MRPS26: variants seen among roughly 807,000 people sequenced by gnomAD.
MRPS26 encodes small ribosomal subunit protein mS26.
In MRPS26, 26 loss-of-function variants were observed where a neutral mutation model predicts 22.7. The ratio of observed to expected loss-of-function variants is 1.15; its 90% CI spans 0.84 to 1.59. The LOEUF (loss-of-function observed/expected upper bound fraction) is 1.59, where lower values mean the gene tolerates loss of function less well. Among genes scored for constraint, MRPS26 ranks in the 40% most tolerant of loss-of-function variants. MRPS26 has a pLI of 0.00. For synonymous variants in MRPS26, 120 were observed against 124.0 expected (o/e 0.97, Z 0.22); for missense variants, 291 against 287.7 (o/e 1.01, Z -0.08).
rs926470964 is a variant in MRPS26, at chr20:3,047,840, G to A, written c.589G>A (p.Val197Met). ...CTGGGCCATCACCAGAGAGGGGCTG[G>A]TGGTCAGGCCACAACGCAGGGACTC... ...YNWAITREGL[V>M]VRPQRRDS Residue 197 changes from valine (V) to methionine (M), a missense_variant, in exon 4 of 4, where the codon GTG (valine) becomes ATG (methionine). By Grantham distance (21) the Val-to-Met change is conservative. Coordinates refer to ENST00000380325, the MANE Select transcript of MRPS26 (RefSeq NM_030811.4). 1.2e-6 allele frequency: 2 copies of A among 1,613,128 alleles called. No homozygotes were observed. Among genetic ancestry groups the A allele is most frequent in the South Asian group, 1.1e-5 (1 of 90,994 alleles).
At position 3,046,129 on chromosome 20, in the gene MRPS26, G is replaced by A; in HGVS notation, c.61G>A (p.Val21Met). The change falls in exon 1 of 4, where the codon GTG (valine) becomes ATG (methionine). Residue 21 changes from valine to methionine, a missense_variant. By Grantham distance (21) the Val-to-Met change is conservative (BLOSUM62 1). Coordinates refer to ENST00000380325, the MANE Select transcript of MRPS26 (RefSeq NM_030811.4). The stretch of plus-strand genomic sequence containing the variant: ...CCCGTGCAGGCCCCGGGCCCCTCTG[G>A]TGCTGCCAGCGCGCGGCCGCAAGAC... ...GTPCRPRAPLVLPARGRKTRH... is the reference protein window; with the variant it reads ...GTPCRPRAPLMLPARGRKTRH... 1 of 1,588,146 alleles carries A rather than the reference G, an allele frequency of 6.3e-7. No homozygotes were observed. The highest frequency in any genetic ancestry group is 8.5e-7 in the Non-Finnish European group (1 of 1,175,268).
chr20:3,047,673 T>C, intron 3 of MRPS26, 62 bp from the exon 4 acceptor site: 2 of 1,602,016 alleles, frequency 1.2e-6, no homozygotes, highest in South Asian at 2.2e-5. Context: ...GCCAGCAGGC[T>C]GGGTGGGCTG....
intron 3 of MRPS26, among the ~76,000 whole-genome samples, chr20:3,046,968 AAG>A (rs2065992274): frequency 6.6e-6 from 1 of 152,206 alleles, no homozygotes. Context: ...GCGTTCCACA[AAG>A]AGGTTGTATT....
intron 3 of MRPS26, among the ~76,000 whole-genome samples, chr20:3,047,316 G>A (rs2065993523): frequency 6.6e-6 from 1 of 152,192 alleles, no homozygotes; most frequent in Non-Finnish European, 1.5e-5. Context: ...TTGAACCCAG[G>A]AGGCAGAGGT....
chr20:3,046,846 G>T, intron 3 of MRPS26, 109 bp downstream of exon 3: 1 of 1,465,482 alleles, frequency 6.8e-7, no homozygotes. Flanking sequence ...GAGACTTACA[G>T]TTGGCAGGTC....
At position 3,046,107 on chromosome 20, in the gene MRPS26, G is replaced by A; in HGVS notation, c.39G>A (p.Pro13=). 1.3e-6 allele frequency: 2 copies of A among 1,561,738 alleles called. No homozygotes were observed. The highest frequency in any genetic ancestry group is 2.4e-5 in the East Asian group (1 of 42,190). ...TGAGCCGCCTGGGCGCGGGGACCCCGTGCAGGCCCCGGGCCCCTCTGGTGC... is the reference window on the plus strand; with the variant it reads ...TGAGCCGCCTGGGCGCGGGGACCCCATGCAGGCCCCGGGCCCCTCTGGTGC... ...RALSRLGAGT[P]CRPRAPLVLP... The change falls in exon 1 of 4, where the codon CCG becomes CCA. Residue 13 remains proline (P), a synonymous_variant. Transcript: ENST00000380325.
At chr20:3,046,794 TG>T in intron 3 of MRPS26, 57 bp downstream of exon 3, 1 of 1,519,720 alleles carries the variant, frequency 6.6e-7, no homozygotes. Flanking sequence ...TGCGGGGCAC[TG>T]GGAATTCTGG....
At chr20:3,047,380 C>T (rs1294168231) in intron 3 of MRPS26, among the ~76,000 whole-genome samples, 1 of 145,682 alleles carries the variant, frequency 6.9e-6, no homozygotes, top group Non-Finnish European at 1.5e-5. Context: ...CAGTGAGACT[C>T]CGTCTCAAAA....
At chr20:3,047,165 C>T (rs571463479) in intron 3 of MRPS26, among the ~76,000 whole-genome samples, 1 of 152,214 alleles carries the variant, frequency 6.6e-6, no homozygotes, top group East Asian at 1.9e-4. Context: ...CTATGGGAGG[C>T]CGAAGCGGGC....
At position 3,046,493 on chromosome 20, in the gene MRPS26, G is replaced by A. The variant is rs1235291694; in HGVS notation, c.333G>A (p.Ala111=). 13 of 1,570,856 alleles carry A rather than the reference G, an allele frequency of 8.3e-6. No individual in the cohort carries two copies. Among genetic ancestry groups the A allele is most frequent in the African/African-American group, 1.4e-5 (1 of 73,284 alleles). Residue 111 remains alanine (A), a synonymous_variant, in exon 2 of 4, where the codon GCG becomes GCA. Transcript: ENST00000380325. ...EHRELMAWNQ[A]ENRRLHELRI... is the part of the protein sequence containing the mutation. The stretch of plus-strand genomic sequence containing the variant: ...GCGAGCTGATGGCCTGGAACCAGGC[G>A]GAGAACCGGCGGCTGCACGAGCTGC...
In MRPS26 at chr20:3,046,528, G is replaced by A; in HGVS notation, c.359+9G>A. The A allele has an allele frequency of 6.5e-7, 1 of 1,527,218 alleles. No homozygotes were observed. Among genetic ancestry groups the A allele is most frequent in the Non-Finnish European group, 8.8e-7 (1 of 1,141,992 alleles). 94.6% of individuals were successfully genotyped at this position (1,527,218 alleles called of 1,614,324 possible). A position where few individuals can be genotyped will look rare whatever the true frequency, so the allele number is the denominator to read the frequency against. ...CGGCTGCACGAGCTGCGGTGCGTGG[G>A]GCGGGAGGCGGGGCGGGGCGGCGCG... On this transcript the variant is annotated intron_variant, in intron 2 of 3. Coordinates refer to ENST00000380325, the MANE Select transcript of MRPS26 (RefSeq NM_030811.4).
rs770816824 is a variant in MRPS26 at position 3,048,055 on chromosome 20, C to G, written c.*186C>G. 6.2e-6 allele frequency: 4 copies of G among 649,268 alleles called. No individual in the cohort carries two copies. Among genetic ancestry groups the G allele is most frequent in the Non-Finnish European group, 9.8e-6 (4 of 407,490 alleles). 40.2% of individuals were successfully genotyped at this position (649,268 alleles called of 1,614,324 possible). On this transcript the variant is annotated 3_prime_UTR_variant, in exon 4 of 4. Transcript: ENST00000380325. The surrounding 1 kb of genome is among the most constrained non-coding windows in gnomAD (Gnocchi z 4.1). ...AAACTTCCAAACGCAGTGCCCTGTT[C>G]TGCCGGTGTGTACAGCCTCAGCGCA...
At position 3,046,532 on chromosome 20, in the gene MRPS26, G is replaced by T; in HGVS notation, c.359+13G>T. On this transcript the variant is annotated intron_variant, in intron 2 of 3. Coordinates refer to ENST00000380325, the MANE Select transcript of MRPS26 (RefSeq NM_030811.4). ...TGCACGAGCTGCGGTGCGTGGGGCG[G>T]GAGGCGGGGCGGGGCGGCGCGGCCT... The T allele has an allele frequency of 6.6e-7, 1 of 1,526,158 alleles. No homozygotes were observed. Among genetic ancestry groups the T allele is most frequent in the Non-Finnish European group, 8.8e-7 (1 of 1,141,358 alleles). The allele number at this position is 1,526,158 out of a possible 1,614,324, so 94.5% of individuals were successfully genotyped here. A position where few individuals can be genotyped will look rare whatever the true frequency, so the allele number is the denominator to read the frequency against.
intron 3 of MRPS26, 29 bp from the exon 4 acceptor site, chr20:3,047,706 T>C (rs765065327): frequency 1.9e-6 from 3 of 1,612,692 alleles, no homozygotes; most frequent in East Asian, 2.2e-5. Flanking sequence ...CCAAGGCTCC[T>C]GTTCAGCTGG....
rs1220258161 is a variant in MRPS26 at position 3,046,704 on chromosome 20, G to C, written c.450G>C (p.Ala150=). 5 of 1,544,728 alleles carry C rather than the reference G, an allele frequency of 3.2e-6. No individual in the cohort carries two copies. The African/African-American group carries it at 6.8e-5, about 21-fold the overall frequency. Residue 150 remains alanine, a synonymous_variant, in exon 3 of 4, where the codon GCG becomes GCC. Transcript: ENST00000380325. The part of the protein sequence containing the change: ...ARKAEEVQAW[A]QRKEREVLQL... The stretch of plus-strand genomic sequence containing the variant: ...AGGCCGAAGAGGTGCAGGCCTGGGC[G>C]CAGCGCAAGGAGCGGGAAGTGCTGC...
In MRPS26 at chr20:3,046,434, G is replaced by C. The variant is rs1235154659; in HGVS notation, c.274G>C (p.Glu92Gln). 6.2e-7 allele frequency: 1 copy of C among 1,604,494 alleles called. No homozygotes were observed. Among genetic ancestry groups the C allele is most frequent in the East Asian group, 2.2e-5 (1 of 44,506 alleles). ...VHEARAGVLA[E>Q]RKALKDAAEH... ...CGAGGCCCGAGCCGGGGTTCTGGCG[G>C]AGCGCAAGGCCCTGAAGGACGCCGC... Residue 92 changes from glutamate (E) to glutamine (Q), a missense_variant, in exon 2 of 4, where the codon GAG becomes CAG. Glu to Gln is a conservative substitution (Grantham distance 29). Coordinates refer to ENST00000380325, the MANE Select transcript of MRPS26 (RefSeq NM_030811.4).
chr20:3,046,211 T>C lies in MRPS26; in HGVS notation c.143T>C (p.Val48Ala). The change falls in exon 1 of 4, where the codon GTG becomes GCG. Residue 48 changes from valine (V) to alanine (A), a missense_variant. Val to Ala is a moderately conservative substitution (Grantham distance 64). Transcript: ENST00000380325. ...GAGCGAGTGAACATGCCGCCCGCGG[T>C]GGACCCTGCGGAGTTCTTCGTGCTG... ...KIERVNMPPA[V>A]DPAEFFVLME... The C allele has an allele frequency of 2.5e-6, 4 of 1,603,306 alleles. No homozygotes were observed. Among genetic ancestry groups the C allele is most frequent in the Non-Finnish European group, 3.4e-6 (4 of 1,179,594 alleles).
chr20:3,047,428 G>A (rs1460503385), intron 3 of MRPS26, among the ~76,000 whole-genome samples: 1 of 152,106 alleles, frequency 6.6e-6, no homozygotes, highest in African/African-American at 2.4e-5. Context: ...ATGGGGGGAA[G>A]GATGAGTTAG....
In MRPS26 at chr20:3,048,085, G is replaced by A. The variant is rs2148558042; in HGVS notation, c.*216G>A. On this transcript the variant is annotated 3_prime_UTR_variant, in exon 4 of 4. Transcript: ENST00000380325. This position sits in a 1 kb window ranked among gnomAD's most constrained non-coding sequence, Gnocchi z 4.1. ...GGTGTGTACAGCCTCAGCGCACCAG[G>A]AGACCCTAGAGTGGTTTCCATCTCA... is the stretch of plus-strand genomic sequence containing the variant. 6.1e-6 allele frequency: 3 copies of A among 495,744 alleles called. 1 individual carries two copies. The Admixed American group carries it at 1.3e-4, about 21-fold the overall frequency. 30.7% of individuals were successfully genotyped at this position (495,744 alleles called of 1,614,324 possible).
Sources: allele counts gnomAD v4.1 joint callset (sites outside exome capture counted in the v4.1 genomes callset), GRCh38; gene constraint gnomAD v4.1.1; non-coding constraint Gnocchi (gnomAD v3.1); transcripts MANE v1.5; gene names NCBI Gene and HGNC (gene_info 2026-07-23, HGNC 2026-07-21).